PYGB: variants seen among roughly 807,000 people sequenced by gnomAD.
PYGB encodes glycogen phosphorylase B, also known as glycogen phosphorylase, brain form.
PYGB carries 82 observed loss-of-function variants against 94.3 expected under a neutral mutation model. The observed-to-expected ratio is 0.87, with a 90% CI of 0.73 to 1.04. The LOEUF (loss-of-function observed/expected upper bound fraction) is 1.04, where lower values mean the gene tolerates loss of function less well. PYGB is among the 50% of genes least tolerant of loss of function. The pLI is 0.00. For missense variants in PYGB, 1,132 were observed against 1,158.2 expected (o/e 0.98, Z 0.33); for synonymous variants, 488 against 479.1 (o/e 1.02, Z -0.24).
chr20:25,272,720 C>T (rs900912683), intron 4 of PYGB, among the ~76,000 whole-genome samples: 10 of 152,226 alleles, frequency 6.6e-5, no homozygotes, highest in Admixed American at 6.5e-4. Context: ...CGCCTTTCTC[C>T]ACTGCCTCCG....
chr20:25,272,815 C>T (rs1463097188), intron 4 of PYGB, among the ~76,000 whole-genome samples: 1 of 152,158 alleles, frequency 6.6e-6, no homozygotes, highest in African/African-American at 2.4e-5. Context: ...TCATTCTGGC[C>T]CCCAGCAGTC....
At position 25,296,557 on chromosome 20, in the gene PYGB, G is replaced by A. The variant is rs1429242479; in HGVS notation, c.*35G>A. 4 of 1,585,708 alleles carry A rather than the reference G, an allele frequency of 2.5e-6. No homozygotes were observed. Among genetic ancestry groups the A allele is most frequent in the Non-Finnish European group, 2.6e-6 (3 of 1,166,098 alleles). On this transcript the variant is annotated 3_prime_UTR_variant, in exon 20 of 20. Coordinates refer to ENST00000216962, the MANE Select transcript of PYGB (RefSeq NM_002862.4). ...GCCTTGGCGGGACCAGCGGGCATTT[G>A]TTTTCTTGCTGACTTTGCACCTCCT...
chr20:25,254,633 T>TA (rs1000004955), intron 1 of PYGB, among the ~76,000 whole-genome samples: 8 of 152,182 alleles, frequency 5.3e-5, no homozygotes, highest in Non-Finnish European at 1.2e-4. Flanking sequence ...TACAAACAGT[T>TA]AAAATGAAAG....
chr20:25,281,254 G>A, intron 11 of PYGB, 142 bp downstream of exon 11: 1 of 1,196,970 alleles, frequency 8.4e-7, no homozygotes, highest in Non-Finnish European at 1.2e-6. Flanking sequence ...GAATGACAGA[G>A]CTGCCCAGAA....
intron 3 of PYGB, 27 bp downstream of exon 3, chr20:25,269,234 C>T: frequency 6.6e-7 from 1 of 1,524,034 alleles, no homozygotes; most frequent in Non-Finnish European, 9.1e-7. Context: ...AGGAGGAGCT[C>T]TCTCGGACCC....
chr20:25,294,103 C>T (rs2088501665), intron 17 of PYGB, 55 bp from the exon 18 acceptor site: 7 of 1,594,644 alleles, frequency 4.4e-6, no homozygotes, highest in African/African-American at 1.3e-5. Context: ...GGCTTGTTCT[C>T]CAAGGTGGCC....
chr20:25,264,557 G>C (rs1479313758), intron 2 of PYGB, among the ~76,000 whole-genome samples: 1 of 152,172 alleles, frequency 6.6e-6, no homozygotes, highest in Non-Finnish European at 1.5e-5. Flanking sequence ...TCCTTAAGCT[G>C]ATAAGCAACT....
Position 25,256,428 on chromosome 20 carries a change from G to A in PYGB, c.244-2809G>A, listed in dbSNP as rs1157994156. Among the ~76,000 whole-genome samples the A allele has an allele frequency of 4.0e-5, 6 of 151,834 alleles. No homozygotes were observed. In the East Asian group the frequency reaches 7.7e-4, roughly 20 times the overall value. On this transcript the variant is annotated intron_variant, in intron 1 of 19. Transcript: ENST00000216962. Reference sequence around the variant, plus strand: ...AGGGCCTGGCTTGAACCCAGGAGGTGGAGGTTGCAGTGAGCCAAGATTGCA... The same window carrying A: ...AGGGCCTGGCTTGAACCCAGGAGGTAGAGGTTGCAGTGAGCCAAGATTGCA...
intron 2 of PYGB, among the ~76,000 whole-genome samples, chr20:25,264,731 AC>A (rs2092920973): frequency 2.0e-5 from 3 of 152,220 alleles, no homozygotes; most frequent in South Asian, 4.1e-4. Context: ...GATGTGAAGG[AC>A]CTCTTCAAGG....
At chr20:25,294,755 GTAGT>G (rs1282182869) in intron 18 of PYGB, 1 of 649,682 alleles carries the variant, frequency 1.5e-6, no homozygotes, top group Non-Finnish European at 2.8e-6. Flanking sequence ...ACATTATAAT[GTAGT>G]TAGTGTTTTA....
In PYGB at chr20:25,280,412, C is replaced by A; in HGVS notation, c.1239C>A (p.Asp413Glu). The change falls in exon 10 of 20, where the codon GAC becomes GAA. Residue 413 changes from aspartate to glutamate, a missense_variant and splice_region_variant. Transcript: ENST00000216962. ...ATGCCATCAACCAGCGGCACCTGGA[C>A]GTGAGTGTGGGCCCAGCTGGCCGTG... is the stretch of plus-strand genomic sequence containing the variant. Reference protein sequence around the residue: ...IIYAINQRHLDHVAALFPGDV... With the variant: ...IIYAINQRHLEHVAALFPGDV... The A allele has an allele frequency of 6.2e-7, 1 of 1,613,946 alleles. No homozygotes were observed. Among genetic ancestry groups the A allele is most frequent in the Non-Finnish European group, 8.5e-7 (1 of 1,179,940 alleles).
At position 25,279,472 on chromosome 20, in the gene PYGB, C is replaced by G. The variant is rs367601896; in HGVS notation, c.1092+323C>G. ...AGTGTTTAGAGGTCTGTGCTCTATT[C>G]ATGCACCTGCCCTCGCGATTCAGTG... On this transcript the variant is annotated intron_variant, in intron 9 of 19. Transcript: ENST00000216962. Among the ~76,000 whole-genome samples the G allele has an allele frequency of 6.6e-5, 10 of 152,338 alleles. No individual in the cohort carries two copies. In the East Asian group the frequency reaches 1.9e-3, roughly 29 times the overall value.
intron 17 of PYGB, chr20:25,293,825 T>C (rs1003971396): frequency 1.4e-5 from 5 of 358,754 alleles, no homozygotes; most frequent in Non-Finnish European, 2.6e-5. Flanking sequence ...TGCCCAGGAT[T>C]TCACAGTGAG....
Position 25,248,560 on chromosome 20 carries a change from A to AT in PYGB, c.243+139_243+140insT, listed in dbSNP as rs568772423. 2,765 of 1,137,162 alleles carry AT rather than the reference A, an allele frequency of 2.4e-3. 68 individuals carry two copies. In the African/African-American group the frequency reaches 0.041, roughly 17 times the overall value. The allele number at this position is 1,137,162 out of a possible 1,614,324, so 70.4% of individuals were successfully genotyped here. Reference sequence around the variant, plus strand: ...GCCGGCCGGCGGCCAGGCACAGCCGACTGGGGAGTCGCCTGGAAGCCGCAG... The same window carrying AT: ...GCCGGCCGGCGGCCAGGCACAGCCGATCTGGGGAGTCGCCTGGAAGCCGCAG... On this transcript the variant is annotated intron_variant, in intron 1 of 19. Coordinates refer to ENST00000216962, the MANE Select transcript of PYGB (RefSeq NM_002862.4).
In PYGB at chr20:25,278,482, G is replaced by C. The variant is rs1361391740; in HGVS notation, c.999+20G>C. On this transcript the variant is annotated intron_variant, in intron 8 of 19. Transcript: ENST00000216962. ...GACAAGGTGCATGGTGGCCCTGGGA[G>C]GGATCTCAGTGCCAGGGGCTGGGCG... 6.2e-7 allele frequency: 1 copy of C among 1,612,940 alleles called. No individual in the cohort carries two copies. Among genetic ancestry groups the C allele is most frequent in the East Asian group, 2.2e-5 (1 of 44,838 alleles).
chr20:25,279,370 A>G (rs2088345384), intron 9 of PYGB, among the ~76,000 whole-genome samples: 1 of 152,108 alleles, frequency 6.6e-6, no homozygotes, highest in South Asian at 2.1e-4. Flanking sequence ...TGATAAGGAT[A>G]GGGCTGTGAC....
intron 5 of PYGB, 27 bp from the exon 6 acceptor site, chr20:25,276,619 G>A (rs200715585): frequency 9.5e-5 from 152 of 1,600,238 alleles, no homozygotes; most frequent in Middle Eastern, 1.7e-4. Flanking sequence ...TTGCCACTCC[G>A]TCCTGAGCAA....
intron 2 of PYGB, among the ~76,000 whole-genome samples, chr20:25,268,155 G>GCCCCCC (rs1287736524): frequency 1.1e-3 from 7 of 6,240 alleles, no homozygotes; most frequent in African/African-American, 4.9e-3. Context: ...GTAAATCCTA[G>GCCCCCC]CACCCGCCCC....
rs763724703 is a variant in PYGB, at chr20:25,279,125, C to T, written c.1068C>T (p.Asp356=). 1.2e-5 allele frequency: 19 copies of T among 1,613,778 alleles called. No individual in the cohort carries two copies. The highest frequency in any genetic ancestry group is 8.8e-5 in the South Asian group (8 of 91,020). The change falls in exon 9 of 20, where the codon GAC becomes GAT. Residue 356 remains aspartate, a synonymous_variant. Coordinates refer to ENST00000216962, the MANE Select transcript of PYGB (RefSeq NM_002862.4). ...SIPELMRILV[D]VEKVDWDKAW... ...CTGAGCTCATGCGGATCCTGGTGGA[C>T]GTGGAGAAGGTGGACTGGGACAAGG...
Sources: gnomAD v4.1 joint callset for allele counts (sites outside exome capture counted in the v4.1 genomes callset) on GRCh38, gnomAD v4.1.1 for gene constraint, MANE v1.5 for transcripts, NCBI Gene and HGNC (gene_info 2026-07-23, HGNC 2026-07-21) for gene names.